The following GAS6 variants were observed in gnomAD, a reference collection of about 807,000 sequenced individuals.
GAS6 encodes the protein growth arrest specific 6, also known as growth arrest-specific protein 6.
Under a neutral mutation model 75.8 loss-of-function variants are expected in GAS6, and 41 were observed. That is an observed-to-expected ratio of 0.54 (90% CI 0.42 to 0.70). GAS6 has a LOEUF of 0.70. Ranked by LOEUF, GAS6 falls within the 30% of genes least tolerant of loss-of-function variation. The probability of loss-of-function intolerance (pLI) is 0.00; values close to 1 mark genes in which losing one functional copy is unlikely to be tolerated. For missense variants in GAS6, 854 were observed against 940.2 expected, an observed-to-expected ratio of 0.91 and a Z score of 1.20; for synonymous variants, 432 against 412.6, an observed-to-expected ratio of 1.05 and a Z score of -0.57.
At chr13:113,824,355 C>CGG (rs2051506351) in intron 12 of GAS6, among the ~76,000 whole-genome samples, 2 of 60,552 alleles carry the variant, frequency 3.3e-5, no homozygotes, top group African/African-American at 9.6e-5. Context: ...GGAGCACCTG[C>CGG]GGTCTGGGGT....
intron 2 of GAS6, among the ~76,000 whole-genome samples, chr13:113,854,649 G>C (rs745756686): frequency 9.9e-5 from 15 of 152,272 alleles, no homozygotes; most frequent in Non-Finnish European, 1.5e-4. Flanking sequence ...GGCTCTCATC[G>C]AGGAAGGCCC....
In GAS6 at chr13:113,863,561, C is replaced by T. The variant is rs745328894; in HGVS notation, c.255+14G>A. 6.7e-6 allele frequency: 10 copies of T among 1,502,208 alleles called. No individual in the cohort carries two copies. Among genetic ancestry groups the T allele is most frequent in the Non-Finnish European group, 8.8e-6 (10 of 1,129,972 alleles). 93.1% of individuals were successfully genotyped at this position (1,502,208 alleles called of 1,614,324 possible). A position where few individuals can be genotyped will look rare whatever the true frequency, so the allele number is the denominator to read the frequency against. On this transcript the variant is annotated intron_variant, in intron 2 of 14. Coordinates refer to ENST00000327773, the MANE Select transcript of GAS6 (RefSeq NM_000820.4). The surrounding 1 kb of genome is among the most constrained non-coding windows in gnomAD (Gnocchi z 9.4). ...GCCAGGGGTTCCCCCGCATCCCGCC[C>T]GCCGGCTGCTCACCGTCTCGGGGTC...
At chr13:113,853,920 C>T (rs1054692800) in intron 2 of GAS6, among the ~76,000 whole-genome samples, 3 of 152,246 alleles carry the variant, frequency 2.0e-5, no homozygotes, top group African/African-American at 7.2e-5. Flanking sequence ...AGTCTTCACA[C>T]CCGCAGCAGC....
intron 4 of GAS6, chr13:113,843,481 A>G (rs2051807885): frequency 6.6e-6 from 1 of 151,124 alleles, no homozygotes; most frequent in African/African-American, 2.5e-5. Flanking sequence ...GGGCTCAGTG[A>G]CCGCTGCCTG....
At position 113,863,555 on chromosome 13, in the gene GAS6, C is replaced by T; in HGVS notation, c.255+20G>A. ...GCGGGCGCCAGGGGTTCCCCCGCAT[C>T]CCGCCCGCCGGCTGCTCACCGTCTC... On this transcript the variant is annotated intron_variant, in intron 2 of 14. Transcript: ENST00000327773. The surrounding 1 kb of genome is among the most constrained non-coding windows in gnomAD (Gnocchi z 9.4). 6.7e-7 allele frequency: 1 copy of T among 1,499,554 alleles called. No homozygotes were observed. The allele number at this position is 1,499,554 out of a possible 1,614,324, so 92.9% of individuals were successfully genotyped here.
chr13:113,824,344 G>A (rs55800930), intron 12 of GAS6, among the ~76,000 whole-genome samples: 1,268 of 79,396 alleles, frequency 0.016, 94 homozygotes, highest in African/African-American at 0.11. Context: ...CTGAGCTGTC[G>A]GGAGCACCTG....
chr13:113,834,963 A>G (rs1481512574), intron 7 of GAS6, among the ~76,000 whole-genome samples: 1 of 152,204 alleles, frequency 6.6e-6, no homozygotes, highest in Admixed American at 6.5e-5. Context: ...TGTGGAAGGC[A>G]GGTCTGGGAA....
rs1384121176 is a variant in GAS6, at chr13:113,842,551, C to A, written c.344-2701G>T. On this transcript the variant is annotated intron_variant, in intron 4 of 14. Transcript: ENST00000327773. ...AGACGTCGATGTGGTCATAGCAGGGCCTGGAACGGGGAGGTCTGGCCTGAA... is the reference window on the plus strand; with the variant it reads ...AGACGTCGATGTGGTCATAGCAGGGACTGGAACGGGGAGGTCTGGCCTGAA... The A allele has an allele frequency of 1.3e-4, 53 of 396,800 alleles. No homozygotes were observed. The East Asian group carries it at 1.9e-3, about 14-fold the overall frequency. 24.6% of individuals were successfully genotyped at this position (396,800 alleles called of 1,614,324 possible). A position where few individuals can be genotyped will look rare whatever the true frequency, so the allele number is the denominator to read the frequency against.
intron 2 of GAS6, among the ~76,000 whole-genome samples, chr13:113,853,661 T>G (rs757642760): frequency 7.9e-5 from 12 of 152,212 alleles, no homozygotes; most frequent in Non-Finnish European, 1.5e-4. Flanking sequence ...ATATTTTCCA[T>G]GGGAAATGGT....
intron 5 of GAS6, chr13:113,839,418 T>G (rs2051752187): frequency 3.8e-6 from 1 of 265,130 alleles, no homozygotes. Context: ...TTTCAATCAG[T>G]GGGTGCCACT....
chr13:113,858,507 C>T (rs1185042798), intron 2 of GAS6, among the ~76,000 whole-genome samples: 3 of 143,376 alleles, frequency 2.1e-5, no homozygotes, highest in African/African-American at 7.7e-5. Flanking sequence ...CTGTGTGTGA[C>T]TATGTACATC....
chr13:113,859,111 T>G (rs2051946445), intron 2 of GAS6, among the ~76,000 whole-genome samples: 1 of 149,836 alleles, frequency 6.7e-6, no homozygotes, highest in South Asian at 2.1e-4. Flanking sequence ...TGTCTGTCAG[T>G]GTGTGGCTGT....
intron 12 of GAS6, among the ~76,000 whole-genome samples, chr13:113,823,788 G>A (rs2051493727): frequency 6.6e-6 from 1 of 152,216 alleles, no homozygotes; most frequent in Non-Finnish European, 1.5e-5. Flanking sequence ...ACTTCCAAAT[G>A]CCCTGTAGGT....
Position 113,822,349 on chromosome 13 carries a change from C to T in GAS6, c.1654-163G>A, listed in dbSNP as rs2051472387. ...CTGGATGCTCGCTGACTGTGGATGA[C>T]ACCCCCACCCCACCTGGGGCTCAGC... On this transcript the variant is annotated intron_variant, in intron 13 of 14. Coordinates refer to ENST00000327773, the MANE Select transcript of GAS6 (RefSeq NM_000820.4). 3 of 523,278 alleles carry T rather than the reference C, an allele frequency of 5.7e-6. No individual in the cohort carries two copies. The African/African-American group carries it at 5.8e-5, about 10-fold the overall frequency. The allele number at this position is 523,278 out of a possible 1,614,324, so 32.4% of individuals were successfully genotyped here.
intron 12 of GAS6, 38 bp from the exon 13 acceptor site, chr13:113,823,588 G>C: frequency 1.3e-6 from 2 of 1,567,224 alleles, no homozygotes; most frequent in South Asian, 2.3e-5. Flanking sequence ...TGGTATGCAC[G>C]GTGGAGAGGC....
chr13:113,833,655 G>C, intron 8 of GAS6: 1 of 1,004,862 alleles, frequency 1.0e-6, no homozygotes, highest in African/African-American at 1.7e-5. Context: ...ACAGGCACCA[G>C]TGTGACAGGT....
chr13:113,829,160 C>T (rs1437083900), intron 10 of GAS6, among the ~76,000 whole-genome samples: 2 of 103,142 alleles, frequency 1.9e-5, no homozygotes, highest in Non-Finnish European at 3.5e-5. Flanking sequence ...CCACCTGATC[C>T]TCCCCTGAGC....
chr13:113,826,401 T>G (rs895176709), intron 12 of GAS6, among the ~76,000 whole-genome samples: 2 of 146,698 alleles, frequency 1.4e-5, no homozygotes, highest in Admixed American at 6.7e-5. Flanking sequence ...GCAGGCACCT[T>G]CTCTCCCCGG....
At chr13:113,860,652 GAAC>G (rs1017953939) in intron 2 of GAS6, among the ~76,000 whole-genome samples, 1 of 152,132 alleles carries the variant, frequency 6.6e-6, no homozygotes, top group Admixed American at 6.5e-5. Flanking sequence ...CAGGGAGGGA[GAAC>G]AACAATATAA....
Sources: allele counts gnomAD v4.1 joint callset (sites outside exome capture counted in the v4.1 genomes callset), GRCh38; gene constraint gnomAD v4.1.1; non-coding constraint Gnocchi (gnomAD v3.1); transcripts MANE v1.5; gene names NCBI Gene and HGNC (gene_info 2026-07-23, HGNC 2026-07-21).